Variants in ZNF723 observed in about 807,000 individuals in gnomAD.
ZNF723 encodes zinc finger protein 723.
Under a neutral mutation model 9.4 loss-of-function variants are expected in ZNF723, and 5 were observed. That is an observed-to-expected ratio of 0.53 (90% CI 0.28 to 1.12). ZNF723 has a LOEUF of 1.12. Among genes scored for constraint, ZNF723 ranks in the 50% most tolerant of loss-of-function variants. ZNF723 has a pLI of 0.10. For missense variants in ZNF723, 450 were observed against 501.5 expected (o/e 0.90, Z 0.98); for synonymous variants, 158 against 168.8 (o/e 0.94, Z 0.49).
In ZNF723 at chr19:22,848,247, TG is replaced by T; in HGVS notation, c.4-13del. 4.4e-5 allele frequency: 42 copies of T among 956,652 alleles called. No individual in the cohort carries two copies. The highest frequency in any genetic ancestry group is 5.0e-5 in the Non-Finnish European group (31 of 620,508). 59.3% of individuals were successfully genotyped at this position (956,652 alleles called of 1,614,324 possible). A position where few individuals can be genotyped will look rare whatever the true frequency, so the allele number is the denominator to read the frequency against. ...GTAAATATGTGTGTATGTGTGTGTG[TG>T]TTTTTTTTTCAGGGACCATTGACAT... On this transcript the variant is annotated splice_polypyrimidine_tract_variant and intron_variant, in intron 1 of 3. Transcript: ENST00000600766.
intron 1 of ZNF723, among the ~76,000 whole-genome samples, chr19:22,833,262 C>T (rs1967120336): frequency 6.6e-6 from 1 of 152,150 alleles, no homozygotes. Context: ...AAGCGATTCT[C>T]CTGTCTCAGC....
chr19:22,858,294 T>G lies in ZNF723; in HGVS notation c.1403T>G (p.Leu468Arg), dbSNP rs1967513734. 4.1e-6 allele frequency: 5 copies of G among 1,222,802 alleles called. No individual in the cohort carries two copies. The highest frequency in any genetic ancestry group is 1.7e-5 in the Admixed American group (1 of 57,564). The allele number at this position is 1,222,802 out of a possible 1,614,324, so 75.7% of individuals were successfully genotyped here. Residue 468 changes from leucine to arginine, a missense_variant, in exon 4 of 4, where the codon CTT becomes CGT. By Grantham distance (102) the Leu-to-Arg change is moderately radical (BLOSUM62 -2). Around this residue, in one of 5 missense-constraint regions of ZNF723, gnomAD observed 237 missense variants for 332.2 expected, o/e 0.71. Transcript: ENST00000600766. The stretch of plus-strand genomic sequence containing the variant: ...AAAGCTTTTAACCAATATTCAACCC[T>G]TAATAAACATAAGATAATTCATGCT... Reference protein sequence around the residue: ...CGKAFNQYSTLNKHKIIHARE... With the variant: ...CGKAFNQYSTRNKHKIIHARE...
chr19:22,823,749 C>T, the ZNF723 span, among the ~76,000 whole-genome samples: 1 of 152,218 alleles, frequency 6.6e-6, no homozygotes, highest in African/African-American at 2.4e-5. Context: ...TTCTCATCTG[C>T]CTGAACCTGT....
At chr19:22,846,507 C>G (rs1967311233) in intron 1 of ZNF723, among the ~76,000 whole-genome samples, 1 of 152,098 alleles carries the variant, frequency 6.6e-6, no homozygotes, top group Non-Finnish European at 1.5e-5. Flanking sequence ...CCTGTAATCC[C>G]AGCTACTTGA....
intron 3 of ZNF723, among the ~76,000 whole-genome samples, chr19:22,850,080 T>G (rs1006727829): frequency 3.7e-4 from 56 of 151,984 alleles, no homozygotes; most frequent in African/African-American, 1.4e-3. Context: ...AGTTTGGAAT[T>G]ATTATATTAA....
the ZNF723 span, among the ~76,000 whole-genome samples, chr19:22,826,115 C>A: frequency 6.6e-6 from 1 of 152,138 alleles, no homozygotes; most frequent in Non-Finnish European, 1.5e-5. Context: ...TCCAGGTAAT[C>A]TGATTCTGTT....
At chr19:22,830,799 G>C (rs1219107566), upstream of ZNF723, among the ~76,000 whole-genome samples, 1 of 152,052 alleles carries the variant, frequency 6.6e-6, no homozygotes, top group Non-Finnish European at 1.5e-5. Context: ...GTCTCATTCT[G>C]TCGCCTAGGC....
At chr19:22,826,311 G>A in the ZNF723 span, among the ~76,000 whole-genome samples, 2 of 151,600 alleles carry the variant, frequency 1.3e-5, no homozygotes, top group East Asian at 1.9e-4. Context: ...ACCTATGCCC[G>A]GCTAACAGGG....
the ZNF723 span, among the ~76,000 whole-genome samples, chr19:22,821,223 C>T: frequency 6.6e-6 from 1 of 152,188 alleles, no homozygotes. Context: ...GACCTGCTTG[C>T]AGGCGTGATT....
intron 3 of ZNF723, among the ~76,000 whole-genome samples, chr19:22,853,129 T>C (rs1486954839): frequency 1.3e-5 from 2 of 152,256 alleles, no homozygotes; most frequent in East Asian, 1.9e-4. Flanking sequence ...TATATAACTA[T>C]ATATATGACA....
chr19:22,818,122 G>A, the ZNF723 span, among the ~76,000 whole-genome samples: 2 of 152,152 alleles, frequency 1.3e-5, no homozygotes, highest in Non-Finnish European at 2.9e-5. Context: ...TTGGAGAGAT[G>A]ATGACTCTCA....
the ZNF723 span, among the ~76,000 whole-genome samples, chr19:22,816,277 C>T: frequency 6.6e-6 from 1 of 152,128 alleles, no homozygotes; most frequent in African/African-American, 2.4e-5. Flanking sequence ...ACACAGGCCA[C>T]TGTTTAGGTT....
intron 1 of ZNF723, among the ~76,000 whole-genome samples, chr19:22,839,995 AT>A (rs138141049): frequency 0.1 from 15,874 of 151,744 alleles, 940 homozygotes; most frequent in Middle Eastern, 0.16. Context: ...TTATTTAAGT[AT>A]TTTATGGATT....
chr19:22,848,127 G>T, intron 1 of ZNF723, 134 bp from the exon 2 acceptor site: 1 of 402,586 alleles, frequency 2.5e-6, no homozygotes, highest in Non-Finnish European at 4.4e-6. Context: ...AAAAATTATT[G>T]GAGGATTTCA....
intron 1 of ZNF723, among the ~76,000 whole-genome samples, chr19:22,833,947 TTCC>T (rs1967131533): frequency 7.1e-6 from 1 of 140,716 alleles, no homozygotes; most frequent in African/African-American, 3.0e-5. Flanking sequence ...TTTTTTTTTT[TTCC>T]GAGTCTCCTT....
chr19:22,842,464 A>T, intron 1 of ZNF723, among the ~76,000 whole-genome samples: 1 of 152,124 alleles, frequency 6.6e-6, no homozygotes, highest in East Asian at 1.9e-4. Context: ...ATATAATAAA[A>T]ATTTCTGGTA....
chr19:22,813,913 G>A, the ZNF723 span, among the ~76,000 whole-genome samples: 1 of 151,428 alleles, frequency 6.6e-6, no homozygotes, highest in Non-Finnish European at 1.5e-5. Context: ...CCAGGTTCAA[G>A]CGATTCTCCT....
chr19:22,848,315 T>C lies in ZNF723; in HGVS notation c.58T>C (p.Phe20Leu). 2 of 1,398,058 alleles carry C rather than the reference T, an allele frequency of 1.4e-6. No individual in the cohort carries two copies. Among genetic ancestry groups the C allele is most frequent in the Non-Finnish European group, 2.0e-6 (2 of 999,004 alleles). 86.6% of individuals were successfully genotyped at this position (1,398,058 alleles called of 1,614,324 possible). A position where few individuals can be genotyped will look rare whatever the true frequency, so the allele number is the denominator to read the frequency against. Residue 20 changes from phenylalanine (F) to leucine (L), a missense_variant, in exon 2 of 4, where the codon TTC becomes CTC. Physicochemically the swap from Phe to Leu is conservative, Grantham distance 22. Around this residue, in one of 5 missense-constraint regions of ZNF723, gnomAD observed 19 missense variants for 20.1 expected, o/e 0.95. Transcript: ENST00000600766. ...AIKFSLEEWQ[F>L]LDTAQQNLYR... The stretch of plus-strand genomic sequence containing the variant: ...AAAATTTTCTCTGGAGGAGTGGCAA[T>C]TCCTGGACACTGCACAGCAGAATTT...
chr19:22,833,858 G>A (rs1967129397), intron 1 of ZNF723, among the ~76,000 whole-genome samples: 1 of 149,766 alleles, frequency 6.7e-6, no homozygotes. Context: ...CACCCGCCTC[G>A]ACCTCCTAAA....
Sources: gnomAD v4.1 joint callset for allele counts (sites outside exome capture counted in the v4.1 genomes callset) on GRCh38, gnomAD v4.1.1 for gene constraint, gnomAD v4.1.1 regional missense constraint, MANE v1.5 for transcripts, NCBI Gene and HGNC (gene_info 2026-07-23, HGNC 2026-07-21) for gene names.